The following NAIP variants were observed in gnomAD, a reference collection of about 807,000 sequenced individuals.
NAIP encodes NLR family apoptosis inhibitory protein.
In NAIP, 15 loss-of-function variants were observed where a neutral mutation model predicts 23.0. The ratio of observed to expected loss-of-function variants is 0.65; its 90% CI spans 0.44 to 1.00. NAIP has a LOEUF of 1.00. NAIP is among the 50% of genes least tolerant of loss of function. The probability of loss-of-function intolerance (pLI) is 0.00; values close to 1 mark genes in which losing one functional copy is unlikely to be tolerated. For missense variants in NAIP, 265 were observed against 278.8 expected, an observed-to-expected ratio of 0.95 and a Z score of 0.35; for synonymous variants, 100 against 100.2, an observed-to-expected ratio of 1.00 and a Z score of 0.01.
chr5:71,012,392 C>G lies in NAIP; in HGVS notation c.524G>C (p.Gly175Ala). ...CTCTGAGAGCACACAAGGGGATATC[C>G]CTTGGACATAAAATGGCCAGTTCCT... ...SFRNWPFYVQ[G>A]ISPCVLSEAG... Residue 175 changes from glycine to alanine, a missense_variant, in exon 4 of 17, where the codon GGG (glycine) becomes GCG (alanine). Coordinates refer to ENST00000517649, the MANE Select transcript of NAIP (RefSeq NM_004536.3). 6.2e-7 allele frequency: 1 copy of G among 1,611,592 alleles called. No homozygotes were observed. The highest frequency in any genetic ancestry group is 8.5e-7 in the Non-Finnish European group (1 of 1,178,334).
rs773685719 is a variant in NAIP, at chr5:71,012,908, G to T, written c.8C>A (p.Thr3Asn). 16 of 1,578,752 alleles carry T rather than the reference G, an allele frequency of 1.0e-5. No homozygotes were observed. Among genetic ancestry groups the T allele is most frequent in the Non-Finnish European group, 1.4e-5 (16 of 1,165,222 alleles). MA[T>N]QQKASDERIS... is the part of the protein sequence containing the mutation. ...CCTCTCGTCAGAGGCTTTCTGCTGG[G>T]TGGCCATTTTCTGAAAAGGAAAATA... Residue 3 changes from threonine to asparagine, a missense_variant, in exon 4 of 17, where the codon ACC becomes AAC. Transcript: ENST00000517649.
intron 6 of NAIP, among the ~76,000 whole-genome samples, chr5:71,002,575 A>ATTT (rs762774660): frequency 2.6e-5 from 3 of 114,006 alleles, no homozygotes; most frequent in African/African-American, 9.3e-5. Flanking sequence ...TGCCGGGCTA[A>ATTT]TTTTTTTTTT....
rs1195101483 is a variant in NAIP, at chr5:71,011,347, G to A, written c.596C>T (p.Ser199Phe). 1 of 1,605,330 alleles carries A rather than the reference G, an allele frequency of 6.2e-7. No individual in the cohort carries two copies. Among genetic ancestry groups the A allele is most frequent in the East Asian group, 2.2e-5 (1 of 44,610 alleles). ...CCAATTTCCTAAACATCCACCACAG[G>A]AAAAACACTGTACCGTGTCCTGTTT... ...TGKQDTVQCFSCGGCLGNWEE... is the reference protein window; with the variant it reads ...TGKQDTVQCFFCGGCLGNWEE... Residue 199 changes from serine to phenylalanine, a missense_variant, in exon 5 of 17, where the codon TCC becomes TTC. Around this residue, in one of 2 missense-constraint regions of NAIP, gnomAD observed 261 missense variants for 259.2 expected, o/e 1.01. Transcript: ENST00000517649.
intron 3 of NAIP, among the ~76,000 whole-genome samples, chr5:71,014,159 G>A (rs140561926): frequency 4.7e-5 from 7 of 149,692 alleles, no homozygotes; most frequent in Non-Finnish European, 8.9e-5. Context: ...GTGCAGTGGC[G>A]TGGCCTCGGC....
Position 71,008,447 on chromosome 5 carries a change from T to C in NAIP, c.668+2828A>G, listed in dbSNP as rs553518842. On this transcript the variant is annotated intron_variant, in intron 5 of 16. Coordinates refer to ENST00000517649, the MANE Select transcript of NAIP (RefSeq NM_004536.3). ...TAAATAACTGTGTCCAGTTTTGTAG[T>C]TAATTTAGTATCCAACCAACAACTT... 1.0e-3 allele frequency among the ~76,000 whole-genome samples: 97 copies of C among 92,492 alleles called. No individual in the cohort carries two copies. The Middle Eastern group carries it at 0.012, about 11-fold the overall frequency. The allele number at this position is 92,492 out of a possible 152,430, so 60.7% of individuals were successfully genotyped here. A position where few individuals can be genotyped will look rare whatever the true frequency, so the allele number is the denominator to read the frequency against.
At chr5:71,014,395 G>A (rs977184502) in intron 3 of NAIP, among the ~76,000 whole-genome samples, 6 of 151,404 alleles carry the variant, frequency 4.0e-5, no homozygotes, top group African/African-American at 1.2e-4. Context: ...GTGCAGTGGC[G>A]CAATCTCAGC....
chr5:71,014,324 C>T (rs1222803791), intron 3 of NAIP, among the ~76,000 whole-genome samples: 2 of 151,372 alleles, frequency 1.3e-5, no homozygotes, highest in Admixed American at 1.3e-4. Flanking sequence ...TCTCCAACTC[C>T]TGACCTCAAG....
At chr5:71,009,840 G>C (rs1419045533) in intron 5 of NAIP, among the ~76,000 whole-genome samples, 2 of 151,578 alleles carry the variant, frequency 1.3e-5, no homozygotes, top group Non-Finnish European at 3.0e-5. Context: ...ACTTGTTAAA[G>C]GAATGAATCT....
Position 71,012,484 on chromosome 5 carries a change from A to G in NAIP, c.432T>C (p.Asn144=), listed in dbSNP as rs1326138605. The G allele has an allele frequency of 6.2e-7, 1 of 1,611,656 alleles. No individual in the cohort carries two copies. The highest frequency in any genetic ancestry group is 1.1e-5 in the South Asian group (1 of 90,948). ...NIAKYDIRVK[N]LKSRLRGGKM... is the part of the protein sequence containing the mutation. Reference sequence around the variant, plus strand: ...TACCTCCTCTCAGCCTGCTCTTCAGATTCTTCACCCTTATGTCGTACTTGG... The same window carrying G: ...TACCTCCTCTCAGCCTGCTCTTCAGGTTCTTCACCCTTATGTCGTACTTGG... Residue 144 remains asparagine, a synonymous_variant, in exon 4 of 17, where the codon AAT becomes AAC. Transcript: ENST00000517649.
chr5:71,013,680 T>C (rs1751284639), intron 3 of NAIP, among the ~76,000 whole-genome samples: 1 of 147,244 alleles, frequency 6.8e-6, no homozygotes, highest in African/African-American at 2.5e-5. Context: ...AACAGGCCAA[T>C]GACTGTTTTT....
intron 5 of NAIP, among the ~76,000 whole-genome samples, chr5:71,009,900 GCA>G (rs1325509045): frequency 6.6e-6 from 1 of 151,382 alleles, no homozygotes; most frequent in Non-Finnish European, 1.5e-5. Context: ...AGTAAATATA[GCA>G]TTAAAAATAA....
Position 71,015,009 on chromosome 5 carries a change from G to C in NAIP, c.-3-2091C>G, listed in dbSNP as rs114765760. ...ATAATTTAAATGTCCTGTGGGAGCA[G>C]CTTAAATGTGCATTGGTGGCCTTTC... On this transcript the variant is annotated intron_variant, in intron 3 of 16. Transcript: ENST00000517649. Among the ~76,000 whole-genome samples the C allele has an allele frequency of 3.4e-3, 519 of 151,764 alleles. 2 individuals carry two copies. The highest frequency in any genetic ancestry group is 0.012 in the African/African-American group (499 of 41,386).
At chr5:71,014,183 C>T (rs1398373881) in intron 3 of NAIP, among the ~76,000 whole-genome samples, 3 of 150,152 alleles carry the variant, frequency 2.0e-5, no homozygotes, top group Admixed American at 6.7e-5. Context: ...CTGCAACCTC[C>T]GCCTCCTGGG....
In NAIP at chr5:71,012,837, G is replaced by C; in HGVS notation, c.79C>G (p.Leu27Val). Residue 27 changes from leucine (L) to valine (V), a missense_variant, in exon 4 of 17, where the codon CTG (leucine) becomes GTG (valine). Leu to Val is a conservative substitution (Grantham distance 32). Coordinates refer to ENST00000517649, the MANE Select transcript of NAIP (RefSeq NM_004536.3). ...HNLLPELSAL[L>V]GLDAVQLAKE... is the part of the protein sequence containing the mutation. ...GCCAACTGAACTGCATCTAGGCCCA[G>C]AAGAGCAGACAGCTCTGGCAGCAAA... The C allele has an allele frequency of 1.2e-6, 2 of 1,611,698 alleles. No individual in the cohort carries two copies. Among genetic ancestry groups the C allele is most frequent in the Non-Finnish European group, 1.7e-6 (2 of 1,178,434 alleles).
Position 71,012,447 on chromosome 5 carries a change from G to C in NAIP, c.469C>G (p.Gln157Glu). 1 of 1,611,468 alleles carries C rather than the reference G, an allele frequency of 6.2e-7. No homozygotes were observed. Among genetic ancestry groups the C allele is most frequent in the Non-Finnish European group, 8.5e-7 (1 of 1,178,272 alleles). The change falls in exon 4 of 17, where the codon CAA becomes GAA. Residue 157 changes from glutamine to glutamate, a missense_variant. Transcript: ENST00000517649. ...SRLRGGKMRYQEEEARLASFR... is the reference protein window; with the variant it reads ...SRLRGGKMRYEEEEARLASFR... Reference sequence around the variant, plus strand: ...GACGCAAGTCTAGCCTCCTCTTCTTGGTACCTCATTTTACCTCCTCTCAGC... The same window carrying C: ...GACGCAAGTCTAGCCTCCTCTTCTTCGTACCTCATTTTACCTCCTCTCAGC...
Position 70,978,760 on chromosome 5 carries a change from G to C in NAIP, c.3442+1109C>G, listed in dbSNP as rs1180984555. ...ATAAAATAACCCTACAAATTATTTT[G>C]GAGTGGCAACATTATATTAGGGATT... On this transcript the variant is annotated intron_variant, in intron 13 of 16. Transcript: ENST00000517649. Among the ~76,000 whole-genome samples, 2 of 53,616 alleles carry C rather than the reference G, an allele frequency of 3.7e-5. 1 individual carries two copies. Among genetic ancestry groups the C allele is most frequent in the Non-Finnish European group, 6.1e-5 (2 of 32,818 alleles). 35.2% of individuals were successfully genotyped at this position (53,616 alleles called of 152,430 possible). A position where few individuals can be genotyped will look rare whatever the true frequency, so the allele number is the denominator to read the frequency against.
chr5:71,008,204 G>A (rs1750962413), intron 5 of NAIP, among the ~76,000 whole-genome samples: 1 of 149,796 alleles, frequency 6.7e-6, no homozygotes. Flanking sequence ...CAAGTAGCTG[G>A]GGTTACAGGT....
intron 3 of NAIP, among the ~76,000 whole-genome samples, chr5:71,014,571 T>C (rs1440867889): frequency 6.6e-6 from 1 of 151,706 alleles, no homozygotes; most frequent in South Asian, 2.1e-4. Context: ...GCTGGATATT[T>C]GGATTGAGAG....
chr5:71,012,763 T>G lies in NAIP; in HGVS notation c.153A>C (p.Lys51Asn), dbSNP rs769463138. The G allele has an allele frequency of 6.2e-7, 1 of 1,611,840 alleles. No individual in the cohort carries two copies. The highest frequency in any genetic ancestry group is 1.3e-5 in the African/African-American group (1 of 74,720). The change falls in exon 4 of 17, where the codon AAA becomes AAC. Residue 51 changes from lysine (K) to asparagine (N), a missense_variant. Lys to Asn is a moderately conservative substitution (Grantham distance 94, BLOSUM62 0). Around this residue, in one of 2 missense-constraint regions of NAIP, gnomAD observed 261 missense variants for 259.2 expected, o/e 1.01. Transcript: ENST00000517649. ...EEQKERAKMQ[K>N]GYNSQMRSEA... is the part of the protein sequence containing the mutation. Reference sequence around the variant, plus strand: ...CACTGCGCATTTGAGAGTTGTAGCCTTTCTGCATTTTTGCTCGCTCCTTCT... The same window carrying G: ...CACTGCGCATTTGAGAGTTGTAGCCGTTCTGCATTTTTGCTCGCTCCTTCT...
Sources: gnomAD v4.1 joint callset for allele counts (sites outside exome capture counted in the v4.1 genomes callset) on GRCh38, gnomAD v4.1.1 for gene constraint, gnomAD v4.1.1 regional missense constraint, MANE v1.5 for transcripts, NCBI Gene and HGNC (gene_info 2026-07-23, HGNC 2026-07-21) for gene names.